ZPLD1: variants seen among roughly 807,000 people sequenced by gnomAD.
The protein encoded by ZPLD1 is zona pellucida-like domain-containing protein 1.
ZPLD1 carries 34 observed loss-of-function variants against 47.2 expected under a neutral mutation model. The ratio of observed to expected loss-of-function variants is 0.72; its 90% confidence interval spans 0.55 to 0.96. The LOEUF (loss-of-function observed/expected upper bound fraction) is 0.96, where lower values mean the gene tolerates loss of function less well. ZPLD1 is among the 40% of genes least tolerant of loss of function. ZPLD1 has a pLI of 0.00. For synonymous variants in ZPLD1, 176 were observed against 186.2 expected, an observed-to-expected ratio of 0.95 and a Z score of 0.45; for missense variants, 512 against 505.8, an observed-to-expected ratio of 1.01 and a Z score of -0.12.
At chr3:102,455,534 T>C (rs1707399874) in intron 4 of ZPLD1, among the ~76,000 whole-genome samples, 1 of 152,230 alleles carries the variant, frequency 6.6e-6, no homozygotes, top group African/African-American at 2.4e-5. Flanking sequence ...AGAAAATTTA[T>C]GATCTTCATT....
At chr3:102,405,257 T>A (rs2107294752) in intron 7 of ZPLD1, among the ~76,000 whole-genome samples, 1 of 152,096 alleles carries the variant, frequency 6.6e-6, no homozygotes, top group East Asian at 1.9e-4. Flanking sequence ...AGGGAAAAGA[T>A]GAAGTTCCTT....
At chr3:102,469,743 G>A (rs1326017366) in intron 9 of ZPLD1, among the ~76,000 whole-genome samples, 1 of 152,048 alleles carries the variant, frequency 6.6e-6, no homozygotes, top group African/African-American at 2.4e-5. Context: ...CAGATGGTCG[G>A]GAAATCACTG....
chr3:102,437,934 A>G (rs1707115979), intron 2 of ZPLD1, among the ~76,000 whole-genome samples: 1 of 152,142 alleles, frequency 6.6e-6, no homozygotes, highest in Admixed American at 6.5e-5. Flanking sequence ...CACACAAACC[A>G]TTGATTTTGA....
At chr3:102,402,060 G>A (rs1003955610) in intron 7 of ZPLD1, among the ~76,000 whole-genome samples, 1 of 151,860 alleles carries the variant, frequency 6.6e-6, no homozygotes, top group Non-Finnish European at 1.5e-5. Context: ...TAGACCAATA[G>A]TCCTTTCTAT....
intron 3 of ZPLD1, among the ~76,000 whole-genome samples, chr3:102,449,713 TA>T (rs1707308021): frequency 1.3e-5 from 2 of 152,194 alleles, no homozygotes; most frequent in African/African-American, 4.8e-5. Flanking sequence ...GCATTATTGT[TA>T]ATTTCTTACT....
At position 102,436,844 on chromosome 3, in the gene ZPLD1, T is replaced by A; in HGVS notation, c.-122-16T>A. Reference sequence around the variant, plus strand: ...ATAACTCACCAACTTAAATTCCTGATTCTGTAATTTCTTAGGATACACCTC... The same window carrying A: ...ATAACTCACCAACTTAAATTCCTGAATCTGTAATTTCTTAGGATACACCTC... On this transcript the variant is annotated splice_polypyrimidine_tract_variant and intron_variant, in intron 1 of 11. Coordinates refer to ENST00000466937, the MANE Select transcript of ZPLD1 (RefSeq NM_001329788.2). 1 of 969,934 alleles carries A rather than the reference T, an allele frequency of 1.0e-6. No individual in the cohort carries two copies. The highest frequency in any genetic ancestry group is 1.2e-6 in the Non-Finnish European group (1 of 815,768). 60.1% of individuals were successfully genotyped at this position (969,934 alleles called of 1,614,324 possible).
chr3:102,437,708 G>A (rs1707111572), intron 2 of ZPLD1, among the ~76,000 whole-genome samples: 1 of 152,148 alleles, frequency 6.6e-6, no homozygotes, highest in Non-Finnish European at 1.5e-5. Context: ...TGGTGTTTAA[G>A]TAAAAGTCCA....
chr3:102,437,321 C>T (rs1471419545), intron 2 of ZPLD1, among the ~76,000 whole-genome samples: 1 of 152,018 alleles, frequency 6.6e-6, no homozygotes, highest in Non-Finnish European at 1.5e-5. Flanking sequence ...ACTTTCTTTC[C>T]CACATCCTCA....
At chr3:102,434,194 C>A (rs1433481589), upstream of ZPLD1, among the ~76,000 whole-genome samples, 3 of 152,060 alleles carry the variant, frequency 2.0e-5, no homozygotes, top group East Asian at 1.9e-4. Flanking sequence ...TTAAACATAG[C>A]ACAGTGCCTG....
At chr3:102,417,113 T>C (rs1382523147) in intron 7 of ZPLD1, among the ~76,000 whole-genome samples, 1 of 151,982 alleles carries the variant, frequency 6.6e-6, no homozygotes, top group African/African-American at 2.4e-5. Context: ...ACGTAAATGT[T>C]GTTAAAGTAC....
chr3:102,472,953 A>G (rs979803796), intron 10 of ZPLD1, among the ~76,000 whole-genome samples: 1 of 152,218 alleles, frequency 6.6e-6, no homozygotes, highest in African/African-American at 2.4e-5. Context: ...ACAGTTTCAC[A>G]TGGGTGGGGA....
intron 3 of ZPLD1, among the ~76,000 whole-genome samples, chr3:102,452,213 A>G (rs1236586301): frequency 2.0e-5 from 3 of 150,278 alleles, no homozygotes; most frequent in Non-Finnish European, 4.4e-5. Flanking sequence ...GGAGTCATGG[A>G]GAACCATGCA....
chr3:102,440,142 T>A (rs1179884500), intron 3 of ZPLD1, among the ~76,000 whole-genome samples: 2 of 152,192 alleles, frequency 1.3e-5, no homozygotes, highest in African/African-American at 2.4e-5. Flanking sequence ...GTAATAAAAG[T>A]GTTTTCTCTT....
chr3:102,399,792 C>T (rs1187924326), intron 7 of ZPLD1, among the ~76,000 whole-genome samples: 3 of 151,874 alleles, frequency 2.0e-5, no homozygotes, highest in Non-Finnish European at 2.9e-5. Context: ...ATAGATTTTT[C>T]CAAGTCAGAG....
chr3:102,479,039 T>C lies in ZPLD1; in HGVS notation c.*1421T>C, dbSNP rs1210654735. On this transcript the variant is annotated 3_prime_UTR_variant, in exon 12 of 12. Coordinates refer to ENST00000466937, the MANE Select transcript of ZPLD1 (RefSeq NM_001329788.2). ...GTTAATAATTAAATCAATCCTCAAG[T>C]TGAAAAACACTTTTTCTCCAATTTG... 1 of 152,198 alleles carries C rather than the reference T, an allele frequency of 6.6e-6. No homozygotes were observed. Among genetic ancestry groups the C allele is most frequent in the South Asian group, 2.1e-4 (1 of 4,826 alleles). The allele number at this position is 152,198 out of a possible 1,614,324, so 9.4% of individuals were successfully genotyped here.
At chr3:102,385,411 C>T (rs1352469525) in intron 6 of ZPLD1, 1 of 152,178 alleles carries the variant, frequency 6.6e-6, no homozygotes. Context: ...TTCTGACATA[C>T]ATTAATCTTT....
chr3:102,435,248 G>C, intron 1 of ZPLD1, 94 bp downstream of exon 1: 2 of 1,370,914 alleles, frequency 1.5e-6, no homozygotes, highest in Non-Finnish European at 2.1e-6. Context: ...AATGTCGTAA[G>C]CCCTGCCAAG....
At chr3:102,445,189 C>T (rs971913156) in intron 3 of ZPLD1, among the ~76,000 whole-genome samples, 1 of 152,180 alleles carries the variant, frequency 6.6e-6, no homozygotes, top group African/African-American at 2.4e-5. Context: ...AGAGAAGAGG[C>T]TGATCCTGTT....
At chr3:102,410,798 A>G (rs189077734) in intron 7 of ZPLD1, among the ~76,000 whole-genome samples, 1 of 151,926 alleles carries the variant, frequency 6.6e-6, no homozygotes, top group Admixed American at 6.6e-5. Context: ...TCTTGAATGG[A>G]TTTCTTGTTC....
Sources: allele counts gnomAD v4.1 joint callset (sites outside exome capture counted in the v4.1 genomes callset), GRCh38; gene constraint gnomAD v4.1.1; transcripts MANE v1.5; gene names NCBI Gene and HGNC (gene_info 2026-07-23, HGNC 2026-07-21).